Variants in LGSN observed in about 807,000 individuals in gnomAD.
The protein encoded by LGSN is lengsin, lens protein with glutamine synthetase domain, also known as lengsin.
Under a neutral mutation model 19.5 loss-of-function variants are expected in LGSN, and 21 were observed. The observed-to-expected ratio is 1.07, with a 90% CI of 0.76 to 1.55. The LOEUF (loss-of-function observed/expected upper bound fraction) is 1.55, where lower values mean the gene tolerates loss of function less well. LGSN is among the 40% of genes most tolerant of loss of function. The probability of loss-of-function intolerance (pLI) is 0.00; values close to 1 mark genes in which losing one functional copy is unlikely to be tolerated. For missense variants in LGSN, 673 were observed against 608.5 expected (o/e 1.11, Z -1.12); for synonymous variants, 257 against 215.6 (o/e 1.19, Z -1.68).
chr6:63,443,543 G>A, the LGSN span: 50 of 924,750 alleles, frequency 5.4e-5, no homozygotes, highest in Non-Finnish European at 6.6e-5. Flanking sequence ...TCCAGGGTCT[G>A]CACCACCATG....
the LGSN span, among the ~76,000 whole-genome samples, chr6:63,335,695 A>G: frequency 3.0e-3 from 450 of 152,284 alleles, 3 homozygotes; most frequent in African/African-American, 0.01. Context: ...AGAAAAAAGA[A>G]CTCTTATACA....
chr6:63,490,908 G>C, the LGSN span, among the ~76,000 whole-genome samples: 3 of 152,076 alleles, frequency 2.0e-5, no homozygotes, highest in Admixed American at 6.5e-5. Flanking sequence ...AGATATCCAA[G>C]GGCAGGAAAA....
chr6:63,489,546 T>G, the LGSN span, among the ~76,000 whole-genome samples: 1 of 152,186 alleles, frequency 6.6e-6, no homozygotes, highest in Non-Finnish European at 1.5e-5. Context: ...ATTTTTGTAT[T>G]TTTAGAAGAG....
the LGSN span, among the ~76,000 whole-genome samples, chr6:63,405,853 C>G: frequency 2.0e-5 from 3 of 151,358 alleles, no homozygotes; most frequent in African/African-American, 7.3e-5. Flanking sequence ...AAATGGAAAA[C>G]AAAAAAAGGC....
At chr6:63,556,932 G>A in the LGSN span, among the ~76,000 whole-genome samples, 1 of 152,120 alleles carries the variant, frequency 6.6e-6, no homozygotes, top group Non-Finnish European at 1.5e-5. Flanking sequence ...CTCATTGTCT[G>A]CTGCCAGATC....
At chr6:63,547,763 G>A in the LGSN span, among the ~76,000 whole-genome samples, 3 of 150,956 alleles carry the variant, frequency 2.0e-5, no homozygotes, top group African/African-American at 7.3e-5. Flanking sequence ...CACCCCCCTC[G>A]GCCTCCCAAA....
At chr6:63,341,316 G>T in the LGSN span, among the ~76,000 whole-genome samples, 1 of 152,216 alleles carries the variant, frequency 6.6e-6, no homozygotes. Context: ...GTTGTAGGTG[G>T]TATGGACTGA....
chr6:63,374,491 A>G, the LGSN span, among the ~76,000 whole-genome samples: 3 of 152,192 alleles, frequency 2.0e-5, no homozygotes, highest in Non-Finnish European at 4.4e-5. Context: ...AATTCCCAAG[A>G]TGTTAAAATG....
At chr6:63,348,445 C>T in the LGSN span, among the ~76,000 whole-genome samples, 1 of 151,950 alleles carries the variant, frequency 6.6e-6, no homozygotes, top group East Asian at 1.9e-4. Flanking sequence ...CAGAGTTAGA[C>T]TCTGTCTCAA....
chr6:63,561,092 A>G, the LGSN span, among the ~76,000 whole-genome samples: 3 of 152,222 alleles, frequency 2.0e-5, no homozygotes, highest in African/African-American at 7.2e-5. Flanking sequence ...TTTGTTTAGC[A>G]AAGAACCAGA....
At chr6:63,506,801 T>C in the LGSN span, among the ~76,000 whole-genome samples, 1 of 152,222 alleles carries the variant, frequency 6.6e-6, no homozygotes, top group Non-Finnish European at 1.5e-5. Flanking sequence ...ATATTGTTGC[T>C]CTGGTAAAGC....
intron 1 of LGSN, among the ~76,000 whole-genome samples, chr6:63,308,312 C>A (rs1289422597): frequency 6.6e-6 from 1 of 152,124 alleles, no homozygotes. Context: ...TTTCCTCTTA[C>A]ATTCAAGTTC....
the LGSN span, among the ~76,000 whole-genome samples, chr6:63,427,059 T>C: frequency 1.4e-3 from 216 of 151,502 alleles, 2 homozygotes; most frequent in African/African-American, 4.6e-3. Context: ...TTTTTTTTTT[T>C]TCTCCTGAGA....
chr6:63,360,583 C>T, the LGSN span, among the ~76,000 whole-genome samples: 2 of 152,172 alleles, frequency 1.3e-5, no homozygotes, highest in Non-Finnish European at 1.5e-5. Context: ...TTTTTAACTT[C>T]TTTGCCATGG....
the LGSN span, among the ~76,000 whole-genome samples, chr6:63,526,830 TA>T: frequency 0.029 from 4,046 of 140,010 alleles, 56 homozygotes; most frequent in African/African-American, 0.041. Context: ...TATATATATA[TA>T]TATATTTATT....
chr6:63,557,460 A>C, the LGSN span, among the ~76,000 whole-genome samples: 4 of 152,206 alleles, frequency 2.6e-5, no homozygotes, highest in South Asian at 8.3e-4. Flanking sequence ...GCTACTCAGG[A>C]GGCTGAGGCA....
the LGSN span, among the ~76,000 whole-genome samples, chr6:63,349,414 C>T: frequency 7.2e-5 from 11 of 152,302 alleles, no homozygotes; most frequent in South Asian, 1.9e-3. Flanking sequence ...AACACCTTCT[C>T]CTAGGTATTC....
the LGSN span, chr6:63,441,299 C>G: frequency 2.2e-6 from 1 of 457,986 alleles, no homozygotes; most frequent in Admixed American, 2.4e-5. Context: ...AGCCGCAGCA[C>G]CCACCAGCAG....
chr6:63,354,012 TA>T, the LGSN span, among the ~76,000 whole-genome samples: 3 of 152,108 alleles, frequency 2.0e-5, no homozygotes, highest in Non-Finnish European at 4.4e-5. Context: ...GGATTAGACT[TA>T]AACATGAGAC....
Sources: gnomAD v4.1 joint callset for allele counts (sites outside exome capture counted in the v4.1 genomes callset) on GRCh38, gnomAD v4.1.1 for gene constraint, MANE v1.5 for transcripts, NCBI Gene and HGNC (gene_info 2026-07-23, HGNC 2026-07-21) for gene names.